Variants in GZMK observed in about 807,000 individuals in gnomAD.
GZMK encodes the protein NK-Tryp-2.
GZMK carries 18 observed loss-of-function variants against 22.8 expected under a neutral mutation model. That is an observed-to-expected ratio of 0.79 (90% CI 0.54 to 1.17). The LOEUF is 1.17. Ranked by LOEUF, GZMK falls within the 50% of genes most tolerant of loss-of-function variation. GZMK has a pLI of 0.00. For missense variants in GZMK, 342 were observed against 320.2 expected, an observed-to-expected ratio of 1.07 and a Z score of -0.52; for synonymous variants, 136 against 115.0, an observed-to-expected ratio of 1.18 and a Z score of -1.17.
At chr5:55,027,371 A>G (rs1741156883) in intron 2 of GZMK, among the ~76,000 whole-genome samples, 1 of 152,176 alleles carries the variant, frequency 6.6e-6, no homozygotes, top group African/African-American at 2.4e-5. Context: ...AGGCAAGAGA[A>G]ATCTCCAAGA....
At chr5:55,033,660 A>G in intron 4 of GZMK, 105 bp from the exon 5 acceptor site, 1 of 780,536 alleles carries the variant, frequency 1.3e-6, no homozygotes, top group Non-Finnish European at 2.1e-6. Flanking sequence ...TAAAGAAAGC[A>G]AAGACCCAGA....
At chr5:55,026,421 T>TG (rs370145741) in intron 2 of GZMK, among the ~76,000 whole-genome samples, 23 of 151,468 alleles carry the variant, frequency 1.5e-4, no homozygotes, top group Middle Eastern at 6.8e-3. Flanking sequence ...TGTTTTGTTT[T>TG]TTTTTTCTTA....
intron 2 of GZMK, chr5:55,025,877 C>G (rs1246568494): frequency 1.3e-5 from 2 of 152,148 alleles, no homozygotes; most frequent in Admixed American, 6.5e-5. Flanking sequence ...AGCCTGCAAA[C>G]TGGGAGATCT....
rs528329047 is a variant in GZMK, at chr5:55,029,895, A to G, written c.213-539A>G. On this transcript the variant is annotated intron_variant, in intron 2 of 4. Coordinates refer to ENST00000231009, the MANE Select transcript of GZMK (RefSeq NM_002104.3). ...AACACTTAATGTTGGGAAGATAAAA[A>G]AAGTTCTGGGGTTCTGGAGATGATA... Among the ~76,000 whole-genome samples the G allele has an allele frequency of 2.6e-5, 4 of 152,294 alleles. No individual in the cohort carries two copies. In the South Asian group the frequency reaches 8.3e-4, roughly 32 times the overall value.
chr5:55,030,048 T>C (rs1248913940), intron 2 of GZMK, among the ~76,000 whole-genome samples: 2 of 152,256 alleles, frequency 1.3e-5, no homozygotes, highest in Non-Finnish European at 2.9e-5. Flanking sequence ...CAAATTTTAA[T>C]GGTAGTTGGT....
chr5:55,032,005 T>C (rs1741242868), intron 4 of GZMK, among the ~76,000 whole-genome samples: 1 of 81,858 alleles, frequency 1.2e-5, no homozygotes, highest in Admixed American at 1.3e-4. Flanking sequence ...GATTAATCAA[T>C]AAGGAGGCCT....
chr5:55,025,638 G>GTTTTTTTGTTTTGT (rs11371834), intron 2 of GZMK: 1 of 151,872 alleles, frequency 6.6e-6, no homozygotes, highest in African/African-American at 2.4e-5. Flanking sequence ...TTTTGGTTTT[G>GTTTTTTTGTTTTGT]TTTTTTGTTT....
intron 1 of GZMK, 55 bp downstream of exon 1, chr5:55,024,441 T>A (rs977741588): frequency 1.1e-6 from 1 of 874,122 alleles, no homozygotes; most frequent in African/African-American, 1.7e-5. Flanking sequence ...ACTGACTATA[T>A]TGTTATATTA....
intron 2 of GZMK, among the ~76,000 whole-genome samples, chr5:55,029,101 G>A (rs1025709462): frequency 4.6e-5 from 7 of 152,030 alleles, no homozygotes; most frequent in African/African-American, 7.2e-5. Context: ...CAGGTGTGGC[G>A]GCACAAGCCT....
At chr5:55,033,024 C>A (rs1380267117) in intron 4 of GZMK, among the ~76,000 whole-genome samples, 1 of 152,166 alleles carries the variant, frequency 6.6e-6, no homozygotes, top group Non-Finnish European at 1.5e-5. Flanking sequence ...CTGCAGTTTG[C>A]AATGTGAACA....
chr5:55,028,217 C>T (rs536098215), intron 2 of GZMK: 2 of 152,172 alleles, frequency 1.3e-5, no homozygotes, highest in Non-Finnish European at 2.9e-5. Context: ...CTCATTTGTA[C>T]CTCATAGCCT....
At chr5:55,024,517 C>G in intron 1 of GZMK, 131 bp downstream of exon 1, 1 of 782,386 alleles carries the variant, frequency 1.3e-6, no homozygotes. Flanking sequence ...ACAAATTTTT[C>G]ATCAGTAAAA....
At position 55,024,786 on chromosome 5, in the gene GZMK, C is replaced by G. The variant is rs1741118906; in HGVS notation, c.191C>G (p.Thr64Arg). Residue 64 changes from threonine (T) to arginine (R), a missense_variant, in exon 2 of 5, where the codon ACA becomes AGA. Physicochemically the swap from Thr to Arg is moderately conservative, Grantham distance 71. Coordinates refer to ENST00000231009, the MANE Select transcript of GZMK (RefSeq NM_002104.3). Reference protein sequence around the residue: ...GVLIDPQWVLTAAHCQYRFTK... With the variant: ...GVLIDPQWVLRAAHCQYRFTK... ...CTGATTGATCCACAGTGGGTGCTGACAGCAGCCCACTGCCAATATCGGTGA... is the reference window on the plus strand; with the variant it reads ...CTGATTGATCCACAGTGGGTGCTGAGAGCAGCCCACTGCCAATATCGGTGA... The G allele has an allele frequency of 1.9e-6, 3 of 1,605,270 alleles. No homozygotes were observed. The highest frequency in any genetic ancestry group is 3.3e-4 in the Middle Eastern group (2 of 6,034).
intron 2 of GZMK, among the ~76,000 whole-genome samples, chr5:55,030,181 G>A (rs962230679): frequency 6.6e-6 from 1 of 152,074 alleles, no homozygotes; most frequent in Non-Finnish European, 1.5e-5. Flanking sequence ...TCCCCCAGTT[G>A]GATACAAGTT....
In GZMK at chr5:55,030,430, T is replaced by G. The variant is rs1181962584; in HGVS notation, c.213-4T>G. On this transcript the variant is annotated splice_polypyrimidine_tract_variant and splice_region_variant and intron_variant, in intron 2 of 4. Transcript: ENST00000231009. Reference sequence around the variant, plus strand: ...GCTGCTTTCATTGTCTTTGCTTTTTTTAGGTTTACCAAAGGCCAGTCTCCC... The same window carrying G: ...GCTGCTTTCATTGTCTTTGCTTTTTGTAGGTTTACCAAAGGCCAGTCTCCC... 1 of 1,611,938 alleles carries G rather than the reference T, an allele frequency of 6.2e-7. No individual in the cohort carries two copies. Among genetic ancestry groups the G allele is most frequent in the South Asian group, 1.1e-5 (1 of 90,528 alleles).
intron 3 of GZMK, 27 bp from the exon 4 acceptor site, chr5:55,031,337 T>G (rs747995734): frequency 1.1e-5 from 18 of 1,600,720 alleles, no homozygotes; most frequent in Non-Finnish European, 1.5e-5. Context: ...GGGAAAGAAA[T>G]AATTCCATCT....
At position 55,031,394 on chromosome 5, in the gene GZMK, G is replaced by A. The variant is rs920356531; in HGVS notation, c.394G>A (p.Val132Ile). The change falls in exon 4 of 5, where the codon GTC becomes ATC. Residue 132 changes from valine (V) to isoleucine (I), a missense_variant. Transcript: ENST00000231009. Reference sequence around the variant, plus strand: ...AACAGCCGCAAAACTCAATAAACATGTCAAGATGCTCCACATAAGATCCAA... The same window carrying A: ...AACAGCCGCAAAACTCAATAAACATATCAAGATGCTCCACATAAGATCCAA... ...LQTAAKLNKH[V>I]KMLHIRSKTS... 1.2e-6 allele frequency: 2 copies of A among 1,613,578 alleles called. No individual in the cohort carries two copies. The highest frequency in any genetic ancestry group is 1.7e-6 in the Non-Finnish European group (2 of 1,179,462).
At chr5:55,028,973 G>A (rs1397629542) in intron 2 of GZMK, among the ~76,000 whole-genome samples, 5 of 152,254 alleles carry the variant, frequency 3.3e-5, no homozygotes, top group East Asian at 1.9e-4. Context: ...AGAGACTCAC[G>A]CCTGTAATCC....
intron 2 of GZMK, among the ~76,000 whole-genome samples, chr5:55,028,054 G>T (rs562610522): frequency 1.3e-5 from 2 of 152,172 alleles, no homozygotes; most frequent in South Asian, 2.1e-4. Context: ...TGGTCTGCTT[G>T]GGTTGTTTTT....
Sources: allele counts gnomAD v4.1 joint callset (sites outside exome capture counted in the v4.1 genomes callset), GRCh38; gene constraint gnomAD v4.1.1; transcripts MANE v1.5; gene names NCBI Gene and HGNC (gene_info 2026-07-23, HGNC 2026-07-21).